RBFOX1: variants seen among roughly 807,000 people sequenced by gnomAD.
RBFOX1 encodes RNA binding fox-1 homolog 1.
RBFOX1 carries 8 observed loss-of-function variants against 57.7 expected under a neutral mutation model. The ratio of observed to expected loss-of-function variants is 0.14; its 90% confidence interval spans 0.08 to 0.25. The LOEUF (loss-of-function observed/expected upper bound fraction) is 0.25, where lower values mean the gene tolerates loss of function less well. RBFOX1 is among the 10% of genes least tolerant of loss of function. The pLI is 1.00. For synonymous variants in RBFOX1, 326 were observed against 222.4 expected (o/e 1.47, Z -4.15); for missense variants, 611 against 548.5 (o/e 1.11, Z -1.14).
At chr16:5,461,566 G>A (rs569023585) in intron 1 of RBFOX1, among the ~76,000 whole-genome samples, 1 of 152,310 alleles carries the variant, frequency 6.6e-6, no homozygotes, top group South Asian at 2.1e-4. Flanking sequence ...ATTTTCAGCT[G>A]AGGAAAAAGG....
chr16:6,694,929 C>G (rs745733143), intron 3 of RBFOX1, among the ~76,000 whole-genome samples: 2 of 151,840 alleles, frequency 1.3e-5, no homozygotes, highest in African/African-American at 4.8e-5. Context: ...CTTGTCAGAT[C>G]TCGGGGGAAA....
intron 2 of RBFOX1, among the ~76,000 whole-genome samples, chr16:5,561,587 C>T (rs952920995): frequency 8.5e-5 from 13 of 152,106 alleles, no homozygotes; most frequent in African/African-American, 2.4e-4. Context: ...GAAGGGGTGA[C>T]GATATAAGGT....
chr16:6,990,061 C>G (rs893339490), intron 3 of RBFOX1, among the ~76,000 whole-genome samples: 2 of 152,074 alleles, frequency 1.3e-5, no homozygotes, highest in Non-Finnish European at 2.9e-5. Context: ...CTCCCCTGTA[C>G]TAGAATATAC....
intron 2 of RBFOX1, among the ~76,000 whole-genome samples, chr16:5,485,043 C>T (rs2069678174): frequency 6.6e-6 from 1 of 151,018 alleles, no homozygotes; most frequent in Non-Finnish European, 1.5e-5. Flanking sequence ...TAGGTGAGAG[C>T]CTGTCTCAGA....
intron 3 of RBFOX1, among the ~76,000 whole-genome samples, chr16:5,847,606 G>A (rs926613782): frequency 3.3e-5 from 5 of 152,140 alleles, no homozygotes; most frequent in African/African-American, 7.2e-5. Context: ...ATTGAACAAC[G>A]TTTATTCCTT....
intron 3 of RBFOX1, among the ~76,000 whole-genome samples, chr16:7,001,398 T>TGTATGTGTATTTGTATATGTATA (rs2092782327): frequency 5.0e-4 from 50 of 100,894 alleles, no homozygotes; most frequent in African/African-American, 1.7e-3. Flanking sequence ...GTATGTGTAT[T>TGTATGTGTATTTGTATATGTATA]TGTATATGTA....
intron 3 of RBFOX1, among the ~76,000 whole-genome samples, chr16:5,616,396 G>T (rs2048025524): frequency 6.6e-6 from 1 of 152,150 alleles, no homozygotes; most frequent in South Asian, 2.1e-4. Flanking sequence ...CGAGGTCCAG[G>T]CGCTGCTCCT....
chr16:5,488,767 A>G (rs1488533016), intron 2 of RBFOX1, among the ~76,000 whole-genome samples: 3 of 140,954 alleles, frequency 2.1e-5, no homozygotes, highest in South Asian at 2.3e-4. Flanking sequence ...GATGGTGATG[A>G]TGATGATTAT....
intron 4 of RBFOX1, among the ~76,000 whole-genome samples, chr16:6,007,308 T>C (rs2094933441): frequency 6.6e-6 from 1 of 152,186 alleles, no homozygotes. Context: ...TCTAAGGGGA[T>C]CCAGCTACCA....
At chr16:7,347,348 G>A (rs901773253) in intron 4 of RBFOX1, among the ~76,000 whole-genome samples, 2 of 152,144 alleles carry the variant, frequency 1.3e-5, no homozygotes, top group Admixed American at 6.5e-5. Context: ...TGTTTCACAT[G>A]GATGACAGCA....
At chr16:5,479,617 C>CGTGT in intron 2 of RBFOX1, among the ~76,000 whole-genome samples, 1 of 143,986 alleles carries the variant, frequency 6.9e-6, no homozygotes, top group East Asian at 1.9e-4. Context: ...AAATTAGCTG[C>CGTGT]GTGTGGTGGT....
chr16:7,520,497 C>G (rs73484436), intron 5 of RBFOX1, among the ~76,000 whole-genome samples: 4,191 of 152,312 alleles, frequency 0.028, 121 homozygotes, highest in African/African-American at 0.068. Context: ...TGGCTTCTTT[C>G]TCTTAACACG....
Position 5,377,039 on chromosome 16 carries a change from T to C in RBFOX1, c.220-90177T>C, listed in dbSNP as rs184799880. 5.3e-4 allele frequency among the ~76,000 whole-genome samples: 80 copies of C among 151,752 alleles called. 4 individuals carry two copies. The highest frequency in any genetic ancestry group is 1.8e-3 in the African/African-American group (75 of 41,024). ...GAATCTTCATCTCAGGATCCACTTC[T>C]GGGGGAGCCCAAACCAAGGAACCAG... On this transcript the variant is annotated intron_variant, in intron 1 of 2. Coordinates refer to the RBFOX1 transcript ENST00000585867.
intron 3 of RBFOX1, among the ~76,000 whole-genome samples, chr16:6,984,587 A>T (rs968926440): frequency 3.3e-5 from 5 of 152,154 alleles, no homozygotes; most frequent in Non-Finnish European, 5.9e-5. Context: ...TGGCATATTT[A>T]TGCTGGACAG....
At chr16:5,965,917 G>A (rs1022179944) in intron 4 of RBFOX1, among the ~76,000 whole-genome samples, 1 of 152,064 alleles carries the variant, frequency 6.6e-6, no homozygotes, top group Non-Finnish European at 1.5e-5. Flanking sequence ...TGATCCCTGA[G>A]ATACCCTCCC....
In RBFOX1 at chr16:6,776,292, T is replaced by G. The variant is rs547305072; in HGVS notation, c.-16+121642T>G. Reference sequence around the variant, plus strand: ...CGGGCGTGGTGGCGGGTGCCTGTAGTCCCAGCTACTCGGGGGGCTGAGGCA... The same window carrying G: ...CGGGCGTGGTGGCGGGTGCCTGTAGGCCCAGCTACTCGGGGGGCTGAGGCA... On this transcript the variant is annotated intron_variant, in intron 3 of 15. Coordinates refer to ENST00000550418, the MANE Select transcript of RBFOX1 (RefSeq NM_018723.4). Among the ~76,000 whole-genome samples, 3 of 152,134 alleles carry G rather than the reference T, an allele frequency of 2.0e-5. No homozygotes were observed. The East Asian group carries it at 5.8e-4, about 30-fold the overall frequency.
intron 4 of RBFOX1, among the ~76,000 whole-genome samples, chr16:7,211,452 G>T (rs959590026): frequency 1.3e-5 from 2 of 151,514 alleles, no homozygotes; most frequent in African/African-American, 2.4e-5. Context: ...TATCCAGTGG[G>T]CTGGTAGCTG....
At chr16:7,492,763 C>T (rs1465097847) in intron 4 of RBFOX1, among the ~76,000 whole-genome samples, 1 of 152,012 alleles carries the variant, frequency 6.6e-6, no homozygotes, top group African/African-American at 2.4e-5. Flanking sequence ...TGGCATCTTC[C>T]CCTTCACTCT....
chr16:5,521,657 A>G (rs1159271085), intron 2 of RBFOX1, among the ~76,000 whole-genome samples: 3 of 142,334 alleles, frequency 2.1e-5, no homozygotes, highest in Non-Finnish European at 3.0e-5. Context: ...ACTTGCCTCT[A>G]GGTTTGTAAG....
Sources: allele counts gnomAD v4.1 joint callset (sites outside exome capture counted in the v4.1 genomes callset), GRCh38; gene constraint gnomAD v4.1.1; transcripts MANE v1.5; gene names NCBI Gene and HGNC (gene_info 2026-07-23, HGNC 2026-07-21).